NOC3L: variants seen among roughly 807,000 people sequenced by gnomAD.
NOC3L encodes nucleolar complex protein 3 homolog.
In NOC3L, 85 loss-of-function variants were observed where a neutral mutation model predicts 102.5. The observed-to-expected ratio is 0.83, with a 90% CI of 0.70 to 0.99. The LOEUF (loss-of-function observed/expected upper bound fraction) is 0.99. Ranked by LOEUF, NOC3L falls within the 50% of genes least tolerant of loss-of-function variation. The pLI is 0.00. For synonymous variants in NOC3L, 303 were observed against 309.4 expected (o/e 0.98, Z 0.22); for missense variants, 878 against 914.9 (o/e 0.96, Z 0.52).
the NOC3L span, among the ~76,000 whole-genome samples, chr10:94,327,296 A>C: frequency 1.3e-5 from 2 of 151,312 alleles, no homozygotes; most frequent in Non-Finnish European, 2.9e-5. Flanking sequence ...TCATAAGAAA[A>C]GAAGTTTAGA....
intron 5 of NOC3L, 26 bp downstream of exon 5, chr10:94,356,509 A>G: frequency 6.9e-7 from 1 of 1,448,262 alleles, no homozygotes; most frequent in African/African-American, 1.4e-5. Context: ...TCAATTAACA[A>G]TTTAGTAACT....
chr10:94,352,214 C>T (rs2054427498), intron 8 of NOC3L, 96 bp downstream of exon 8: 1 of 764,872 alleles, frequency 1.3e-6, no homozygotes, highest in Admixed American at 2.9e-5. Flanking sequence ...CCTGACCATA[C>T]CTGCCTCTCA....
rs757345930 is a variant in NOC3L, at chr10:94,355,089, G to A, written c.570C>T (p.Ile190=). The A allele has an allele frequency of 1.9e-6, 3 of 1,609,784 alleles. No homozygotes were observed. In the South Asian group the frequency reaches 3.3e-5, roughly 18 times the overall value. Residue 190 remains isoleucine, a synonymous_variant, in exon 6 of 21, where the codon ATC becomes ATT. Transcript: ENST00000371361. ...QEEERELEEE[I]IEDPIQELTI... Reference sequence around the variant, plus strand: ...TCAGCTCTTGAATAGGATCTTCAATGATCTCTAAAACAGATTAGATGTTCC... The same window carrying A: ...TCAGCTCTTGAATAGGATCTTCAATAATCTCTAAAACAGATTAGATGTTCC...
At chr10:94,315,153 C>T in the NOC3L span, 1 of 299,444 alleles carries the variant, frequency 3.3e-6, no homozygotes, top group Non-Finnish European at 6.6e-6. Flanking sequence ...TTTGCCTTGG[C>T]CCCCTTTTGA....
intron 2 of NOC3L, chr10:94,361,449 C>T (rs1350367682): frequency 1.9e-6 from 1 of 519,816 alleles, no homozygotes; most frequent in Non-Finnish European, 3.4e-6. Flanking sequence ...AAACTAAAAG[C>T]AGAAGCTTGA....
In NOC3L at chr10:94,352,990, C is replaced by T. The variant is rs768698240; in HGVS notation, c.764G>A (p.Arg255Gln). 15 of 1,613,636 alleles carry T rather than the reference C, an allele frequency of 9.3e-6. No individual in the cohort carries two copies. The highest frequency in any genetic ancestry group is 1.3e-5 in the Non-Finnish European group (15 of 1,179,720). Reference sequence around the variant, plus strand: ...CATCAGAGAAACAATTACCAGCTTTCGAACAGTAACAGCCACATCAGGATC... The same window carrying T: ...CATCAGAGAAACAATTACCAGCTTTTGAACAGTAACAGCCACATCAGGATC... ...EQDPDVAVTVRKLVIVSLMEL... is the reference protein window; with the variant it reads ...EQDPDVAVTVQKLVIVSLMEL... Residue 255 changes from arginine (R) to glutamine (Q), a missense_variant, in exon 7 of 21, where the codon CGA (arginine) becomes CAA (glutamine). By Grantham distance (43) the Arg-to-Gln change is conservative. Coordinates refer to ENST00000371361, the MANE Select transcript of NOC3L (RefSeq NM_022451.11).
chr10:94,322,031 T>A, the NOC3L span: 1 of 1,614,198 alleles, frequency 6.2e-7, no homozygotes, highest in East Asian at 2.2e-5. Context: ...GCACCCCGCG[T>A]CAGCACTGCA....
At position 94,333,633 on chromosome 10, in the gene NOC3L, C is replaced by T. The variant is rs1315460253; in HGVS notation, c.*544G>A. 6.6e-6 allele frequency: 1 copy of T among 152,164 alleles called. No individual in the cohort carries two copies. Among genetic ancestry groups the T allele is most frequent in the African/African-American group, 2.4e-5 (1 of 41,442 alleles). 9.4% of individuals were successfully genotyped at this position (152,164 alleles called of 1,614,324 possible). ...AATTAGGTAACTTCTTTAGGTGGAT[C>T]ATCCAGCAAAAGCCAATGAACCTGA... On this transcript the variant is annotated 3_prime_UTR_variant, in exon 21 of 21. Transcript: ENST00000371361.
At chr10:94,353,287 C>T (rs903657690) in intron 6 of NOC3L, among the ~76,000 whole-genome samples, 1 of 152,144 alleles carries the variant, frequency 6.6e-6, no homozygotes, top group African/African-American at 2.4e-5. Context: ...ATGCCTGAGG[C>T]TGGATAATTT....
At chr10:94,356,408 C>T in intron 5 of NOC3L, 127 bp downstream of exon 5, 1 of 649,714 alleles carries the variant, frequency 1.5e-6, no homozygotes, top group South Asian at 1.8e-5. Context: ...GAAAAATGTT[C>T]AAAGTGACCT....
the NOC3L span, chr10:94,322,148 G>C: frequency 7.9e-7 from 1 of 1,261,410 alleles, no homozygotes; most frequent in Non-Finnish European, 1.2e-6. Context: ...CATTTTATGA[G>C]TGAAGTTCCT....
At chr10:94,322,511 A>G in the NOC3L span, among the ~76,000 whole-genome samples, 313 of 152,234 alleles carry the variant, frequency 2.1e-3, 5 homozygotes, top group Admixed American at 0.019. Context: ...ATTGCTGGGC[A>G]CGGGGGTTCA....
chr10:94,319,370 AGGAGACAGATTTGG>A, the NOC3L span, among the ~76,000 whole-genome samples: 1 of 152,250 alleles, frequency 6.6e-6, no homozygotes, highest in African/African-American at 2.4e-5. Context: ...GCACTACTAG[AGGAGACAGATTTGG>A]GCTATAAGTA....
chr10:94,321,846 T>G, the NOC3L span: 15 of 1,400,282 alleles, frequency 1.1e-5, no homozygotes, highest in Non-Finnish European at 1.4e-5. Context: ...AGATTTGTCT[T>G]TCTTTATTCT....
At chr10:94,362,552 T>C (rs1198481310) in intron 1 of NOC3L, among the ~76,000 whole-genome samples, 1 of 152,146 alleles carries the variant, frequency 6.6e-6, no homozygotes, top group African/African-American at 2.4e-5. Context: ...TTCTCATTTG[T>C]GAAAAACGAG....
the NOC3L span, among the ~76,000 whole-genome samples, chr10:94,315,769 C>CAAAAAAAAAAAAAAAAAAAAAAAAAAAAA: frequency 8.1e-6 from 1 of 122,870 alleles, no homozygotes. Context: ...GACTCTGTCT[C>CAAAAAAAAAAAAAAAAAAAAAAAAAAAAA]AAAAAAAAAA....
intron 6 of NOC3L, among the ~76,000 whole-genome samples, chr10:94,353,740 T>C (rs1433485807): frequency 1.3e-5 from 2 of 152,242 alleles, no homozygotes; most frequent in Admixed American, 1.3e-4. Flanking sequence ...TCTTTTTTGC[T>C]GGATTTTCCT....
chr10:94,318,778 A>C, the NOC3L span, among the ~76,000 whole-genome samples: 1 of 152,154 alleles, frequency 6.6e-6, no homozygotes, highest in African/African-American at 2.4e-5. Flanking sequence ...ATACCACAAC[A>C]AGCTGGGCAC....
chr10:94,339,158 C>G (rs966676373), intron 17 of NOC3L, among the ~76,000 whole-genome samples: 2 of 152,212 alleles, frequency 1.3e-5, no homozygotes, highest in African/African-American at 2.4e-5. Context: ...ACTTCTACCA[C>G]TGACTGGCAC....
Sources: gnomAD v4.1 joint callset for allele counts (sites outside exome capture counted in the v4.1 genomes callset) on GRCh38, gnomAD v4.1.1 for gene constraint, MANE v1.5 for transcripts, NCBI Gene and HGNC (gene_info 2026-07-23, HGNC 2026-07-21) for gene names.